Variants in CDH12 observed in about 807,000 individuals in gnomAD.
The protein encoded by CDH12 is cadherin 12.
In CDH12, 41 loss-of-function variants were observed where a neutral mutation model predicts 74.1. The observed-to-expected ratio is 0.55, with a 90% CI of 0.43 to 0.72. The LOEUF (loss-of-function observed/expected upper bound fraction) is 0.72, where lower values mean the gene tolerates loss of function less well. CDH12 is among the 30% of genes least tolerant of loss of function. CDH12 has a pLI of 0.00. For synonymous variants in CDH12, 399 were observed against 355.0 expected (o/e 1.12, Z -1.39); for missense variants, 945 against 977.2 (o/e 0.97, Z 0.44).
chr5:22,208,452 T>C (rs573823064), intron 4 of CDH12, among the ~76,000 whole-genome samples: 2 of 152,324 alleles, frequency 1.3e-5, no homozygotes, highest in Non-Finnish European at 2.9e-5. Flanking sequence ...CCTAAGGCAA[T>C]TAACCTCTTT....
At chr5:22,255,016 TC>T (rs1753264953) in intron 3 of CDH12, among the ~76,000 whole-genome samples, 1 of 151,894 alleles carries the variant, frequency 6.6e-6, no homozygotes, top group African/African-American at 2.4e-5. Context: ...ACCCATTAAT[TC>T]TTTCCTCTTT....
At chr5:22,067,055 A>C (rs188854444) in intron 5 of CDH12, among the ~76,000 whole-genome samples, 3 of 152,272 alleles carry the variant, frequency 2.0e-5, no homozygotes, top group Admixed American at 2.0e-4. Context: ...TCAGCAATAC[A>C]ACTTCATTGC....
At chr5:22,784,744 A>G (rs1424969738) in intron 1 of CDH12, among the ~76,000 whole-genome samples, 1 of 152,164 alleles carries the variant, frequency 6.6e-6, no homozygotes, top group Non-Finnish European at 1.5e-5. Flanking sequence ...TTTCTATCCC[A>G]GAGACATTGG....
intron 1 of CDH12, among the ~76,000 whole-genome samples, chr5:22,827,015 A>G (rs1023006139): frequency 6.6e-6 from 1 of 152,212 alleles, no homozygotes; most frequent in Non-Finnish European, 1.5e-5. Context: ...TCTCCAGAAC[A>G]TGTAAGAGAC....
intron 6 of CDH12, chr5:21,882,931 C>A: frequency 6.2e-7 from 1 of 1,602,098 alleles, no homozygotes; most frequent in East Asian, 2.2e-5. Flanking sequence ...GATGGCACTA[C>A]CACTGCTACT....
intron 6 of CDH12, among the ~76,000 whole-genome samples, chr5:21,865,189 C>T (rs1344597488): frequency 6.6e-6 from 1 of 152,166 alleles, no homozygotes; most frequent in Non-Finnish European, 1.5e-5. Context: ...ATTTAGTGTG[C>T]TGCATGGCTT....
intron 5 of CDH12, among the ~76,000 whole-genome samples, chr5:22,054,680 G>A (rs1221176406): frequency 6.6e-6 from 1 of 152,066 alleles, no homozygotes; most frequent in Non-Finnish European, 1.5e-5. Flanking sequence ...ATAATTTTAT[G>A]GCAGTAATAT....
intron 4 of CDH12, among the ~76,000 whole-genome samples, chr5:22,195,842 C>T (rs996096516): frequency 9.2e-5 from 14 of 152,188 alleles, no homozygotes; most frequent in Admixed American, 2.6e-4. Flanking sequence ...GAATAAAAGC[C>T]TGGTGTGAAA....
At chr5:21,756,876 T>C (rs1402490906) in intron 13 of CDH12, among the ~76,000 whole-genome samples, 1 of 152,188 alleles carries the variant, frequency 6.6e-6, no homozygotes, top group Non-Finnish European at 1.5e-5. Context: ...CCACTGAAAT[T>C]GAGGCAGGTT....
chr5:22,832,809 C>A (rs923857369), intron 1 of CDH12, among the ~76,000 whole-genome samples: 2 of 152,108 alleles, frequency 1.3e-5, no homozygotes, highest in Admixed American at 6.6e-5. Flanking sequence ...CAACAAATAT[C>A]TTTGATACAA....
At chr5:22,648,500 T>C (rs957317373) in intron 1 of CDH12, among the ~76,000 whole-genome samples, 6 of 151,924 alleles carry the variant, frequency 3.9e-5, no homozygotes, top group Admixed American at 3.9e-4. Context: ...TGTATTGGGC[T>C]TAGGAAAATA....
At chr5:21,922,965 T>TCTATAG in intron 6 of CDH12, among the ~76,000 whole-genome samples, 1 of 151,978 alleles carries the variant, frequency 6.6e-6, no homozygotes, top group South Asian at 2.1e-4. Context: ...TATATCTATA[T>TCTATAG]CTATATCTAT....
chr5:22,429,491 T>A (rs147031457), intron 2 of CDH12, among the ~76,000 whole-genome samples: 19 of 152,102 alleles, frequency 1.2e-4, no homozygotes, highest in Non-Finnish European at 8.8e-5. Flanking sequence ...GGGAAAAATT[T>A]CTTTTAAAAA....
intron 5 of CDH12, among the ~76,000 whole-genome samples, chr5:21,980,326 A>C (rs1362776264): frequency 6.6e-6 from 1 of 152,110 alleles, no homozygotes; most frequent in Non-Finnish European, 1.5e-5. Context: ...AGAGATGAAC[A>C]ACCCTGGACA....
chr5:22,791,530 T>C (rs530536324), intron 1 of CDH12, among the ~76,000 whole-genome samples: 7 of 152,340 alleles, frequency 4.6e-5, no homozygotes, highest in African/African-American at 1.7e-4. Context: ...TGAGACTATA[T>C]GGAACTTAAG....
intron 4 of CDH12, among the ~76,000 whole-genome samples, chr5:22,108,893 T>C (rs1744658312): frequency 6.6e-6 from 1 of 152,220 alleles, no homozygotes; most frequent in Non-Finnish European, 1.5e-5. Context: ...ATGAAAGCTG[T>C]ATGTATTGCA....
intron 1 of CDH12, among the ~76,000 whole-genome samples, chr5:22,507,509 C>T (rs1736437492): frequency 6.6e-6 from 1 of 151,996 alleles, no homozygotes; most frequent in African/African-American, 2.4e-5. Flanking sequence ...GATGGGATAA[C>T]TTATTTTCTG....
chr5:21,870,984 G>A (rs1418712217), intron 6 of CDH12, among the ~76,000 whole-genome samples: 3 of 152,086 alleles, frequency 2.0e-5, no homozygotes, highest in Non-Finnish European at 4.4e-5. Context: ...TACCCACCTC[G>A]ACATTCCAAA....
chr5:22,557,385 C>A (rs1320512947), intron 1 of CDH12, among the ~76,000 whole-genome samples: 3 of 151,990 alleles, frequency 2.0e-5, no homozygotes, highest in Non-Finnish European at 4.4e-5. Flanking sequence ...TAAGGCATCA[C>A]CAAGGAGGTC....
Sources: gnomAD v4.1 joint callset for allele counts (sites outside exome capture counted in the v4.1 genomes callset) on GRCh38, gnomAD v4.1.1 for gene constraint, MANE v1.5 for transcripts, NCBI Gene and HGNC (gene_info 2026-07-23, HGNC 2026-07-21) for gene names.